SPAG17: variants seen among roughly 807,000 people sequenced by gnomAD.
SPAG17 encodes the protein sperm associated antigen 17.
Under a neutral mutation model 273.6 loss-of-function variants are expected in SPAG17, and 169 were observed. The observed-to-expected ratio is 0.62, with a 90% CI of 0.55 to 0.70. The LOEUF is 0.70. SPAG17 is among the 30% of genes least tolerant of loss of function. SPAG17 has a pLI of 0.00. For missense variants in SPAG17, 2,557 were observed against 2,627.8 expected (o/e 0.97, Z 0.59); for synonymous variants, 825 against 873.2 (o/e 0.94, Z 0.97).
chr1:118,091,932 G>C lies in SPAG17; in HGVS notation c.1244C>G (p.Pro415Arg). 3 of 1,613,632 alleles carry C rather than the reference G, an allele frequency of 1.9e-6. No homozygotes were observed. The highest frequency in any genetic ancestry group is 2.5e-6 in the Non-Finnish European group (3 of 1,179,602). Residue 415 changes from proline to arginine, a missense_variant and splice_region_variant, in exon 9 of 49, where the codon CCA becomes CGA. Transcript: ENST00000336338. ...CCAGCAGCCGATTTCATACATGCCT[G>C]GTGGTGGAGCTTGCGGTTCTTCATA... Reference protein sequence around the residue: ...AQYEEPQAPPPVTSVITTEVD... With the variant: ...AQYEEPQAPPRVTSVITTEVD...
chr1:118,174,644 T>G (rs1660596692), intron 1 of SPAG17, among the ~76,000 whole-genome samples: 1 of 152,144 alleles, frequency 6.6e-6, no homozygotes, highest in Non-Finnish European at 1.5e-5. Flanking sequence ...AAACTCCAAG[T>G]ATGATAAACC....
intron 3 of SPAG17, 145 bp from the exon 4 acceptor site, chr1:118,115,586 G>GA (rs542743356): frequency 1.9e-5 from 15 of 778,472 alleles, no homozygotes; most frequent in Middle Eastern, 3.8e-4. Context: ...AAAAGTTAGG[G>GA]AAAAAAATGC....
chr1:118,035,457 C>T (rs777246271), intron 24 of SPAG17, among the ~76,000 whole-genome samples: 1 of 152,040 alleles, frequency 6.6e-6, no homozygotes, highest in Non-Finnish European at 1.5e-5. Flanking sequence ...ATATGTAATT[C>T]GTTAGGCATC....
At chr1:117,971,673 C>G in intron 45 of SPAG17, 190 bp downstream of exon 45, 1 of 452,630 alleles carries the variant, frequency 2.2e-6, no homozygotes, top group Non-Finnish European at 3.8e-6. Flanking sequence ...AATTGGAACC[C>G]GATAAACACT....
At chr1:118,117,594 G>A (rs1196538754) in intron 3 of SPAG17, among the ~76,000 whole-genome samples, 3 of 152,204 alleles carry the variant, frequency 2.0e-5, no homozygotes, top group African/African-American at 4.8e-5. Context: ...GGCTTCACCA[G>A]TTTGCCAGGC....
At chr1:117,991,629 A>G (rs2986066) in intron 36 of SPAG17, 101 bp from the exon 37 acceptor site, 1 of 701,382 alleles carries the variant, frequency 1.4e-6, no homozygotes, top group Non-Finnish European at 2.3e-6. Flanking sequence ...AATGAAGAAT[A>G]TATAGGTTTA....
intron 43 of SPAG17, among the ~76,000 whole-genome samples, chr1:117,978,869 CTT>C (rs370678516): frequency 2.2e-3 from 303 of 140,016 alleles, no homozygotes; most frequent in Middle Eastern, 3.7e-3. Context: ...TCTTCCTCTT[CTT>C]TTTTTTTTTT....
intron 25 of SPAG17, among the ~76,000 whole-genome samples, chr1:118,029,580 T>C (rs1003458055): frequency 6.6e-6 from 1 of 152,236 alleles, no homozygotes; most frequent in Non-Finnish European, 1.5e-5. Context: ...TAAAGTTATT[T>C]ATAAATTAAT....
At chr1:117,959,175 TA>T in intron 48 of SPAG17, 1 of 1,392,748 alleles carries the variant, frequency 7.2e-7, no homozygotes, top group Non-Finnish European at 9.7e-7. Context: ...GAAAAGTTCT[TA>T]ATGAGGGAAA....
At chr1:118,148,133 C>T (rs759051642) in intron 3 of SPAG17, among the ~76,000 whole-genome samples, 2 of 152,148 alleles carry the variant, frequency 1.3e-5, no homozygotes, top group Non-Finnish European at 2.9e-5. Context: ...TATCTCTTCT[C>T]CCACAGTGCA....
At position 118,097,696 on chromosome 1, in the gene SPAG17, A is replaced by G; in HGVS notation, c.985T>C (p.Ser329Pro). 1 of 1,604,580 alleles carries G rather than the reference A, an allele frequency of 6.2e-7. No individual in the cohort carries two copies. Among genetic ancestry groups the G allele is most frequent in the Non-Finnish European group, 8.5e-7 (1 of 1,176,990 alleles). The stretch of plus-strand genomic sequence containing the variant: ...ATCATCTCACCATCTGACCAGTCAG[A>G]AGGAAAATCAGCTGCTTTGACCATG... ...EYMVKAADFP[S>P]DWSDGEMMLK... Residue 329 changes from serine to proline, a missense_variant, in exon 7 of 49, where the codon TCT (serine) becomes CCT (proline). By Grantham distance (74) the Ser-to-Pro change is moderately conservative. Coordinates refer to ENST00000336338, the MANE Select transcript of SPAG17 (RefSeq NM_206996.4).
Position 118,046,555 on chromosome 1 carries a change from T to C in SPAG17, c.2815-4513A>G, listed in dbSNP as rs887794670. Among the ~76,000 whole-genome samples the C allele has an allele frequency of 8.5e-5, 13 of 152,172 alleles. No homozygotes were observed. In the East Asian group the frequency reaches 1.3e-3, roughly 16 times the overall value. On this transcript the variant is annotated intron_variant, in intron 20 of 48. Coordinates refer to ENST00000336338, the MANE Select transcript of SPAG17 (RefSeq NM_206996.4). Reference sequence around the variant, plus strand: ...AGTTAAATTGAAATGATATAACAAGTTAAATTTCTAGAGCAACCACTAGGA... The same window carrying C: ...AGTTAAATTGAAATGATATAACAAGCTAAATTTCTAGAGCAACCACTAGGA...
chr1:118,166,488 TTG>T (rs1558057771), intron 1 of SPAG17, among the ~76,000 whole-genome samples: 1 of 152,176 alleles, frequency 6.6e-6, no homozygotes, highest in Non-Finnish European at 1.5e-5. Flanking sequence ...ATTTAACTAT[TTG>T]TATACAAGAC....
At chr1:117,987,979 A>G (rs1354505893) in intron 39 of SPAG17, 98 bp from the exon 40 acceptor site, 1 of 1,471,182 alleles carries the variant, frequency 6.8e-7, no homozygotes, top group African/African-American at 1.4e-5. Context: ...AATTATTAAT[A>G]GTATGGGAGA....
intron 42 of SPAG17, among the ~76,000 whole-genome samples, chr1:117,982,956 A>G (rs1275033051): frequency 1.3e-5 from 2 of 152,094 alleles, no homozygotes; most frequent in Non-Finnish European, 2.9e-5. Context: ...TTTCCTCTTG[A>G]TTAGATTCTG....
At chr1:118,089,356 G>GT (rs1655223502) in intron 10 of SPAG17, among the ~76,000 whole-genome samples, 1 of 43,882 alleles carries the variant, frequency 2.3e-5, no homozygotes, top group African/African-American at 1.2e-4. Context: ...TGTGTGTGTG[G>GT]TGGCAGGTAG....
chr1:118,141,399 A>T (rs1172597289), intron 3 of SPAG17, among the ~76,000 whole-genome samples: 2 of 152,254 alleles, frequency 1.3e-5, no homozygotes, highest in African/African-American at 4.8e-5. Flanking sequence ...TTTTAAAAAA[A>T]TAAGGTAGCT....
chr1:118,065,635 G>T (rs995477048), intron 18 of SPAG17, among the ~76,000 whole-genome samples: 2 of 151,946 alleles, frequency 1.3e-5, no homozygotes, highest in Non-Finnish European at 2.9e-5. Context: ...CTACAGGAAC[G>T]CAAGTTTGGT....
At chr1:118,121,781 T>C (rs528179638) in intron 3 of SPAG17, among the ~76,000 whole-genome samples, 178 of 152,314 alleles carry the variant, frequency 1.2e-3, no homozygotes, top group Non-Finnish European at 2.2e-3. Flanking sequence ...TTGATGTTTA[T>C]TCAGATTATT....
Sources: gnomAD v4.1 joint callset for allele counts (sites outside exome capture counted in the v4.1 genomes callset) on GRCh38, gnomAD v4.1.1 for gene constraint, MANE v1.5 for transcripts, NCBI Gene and HGNC (gene_info 2026-07-23, HGNC 2026-07-21) for gene names.